Variants in XRCC5 observed in about 807,000 individuals in gnomAD.
XRCC5 encodes the protein X-ray repair cross complementing 5, also known as DNA repair protein Ku80.
A neutral mutation model predicts 95.7 loss-of-function variants in XRCC5; 12 were observed. The observed-to-expected ratio is 0.13, with a 90% CI of 0.08 to 0.20. The LOEUF is 0.20. Ranked by LOEUF, XRCC5 falls within the 10% of genes least tolerant of loss-of-function variation. The probability of loss-of-function intolerance (pLI) is 1.00; values close to 1 mark genes in which losing one functional copy is unlikely to be tolerated. For missense variants in XRCC5, 595 were observed against 873.9 expected (o/e 0.68, Z 4.02); for synonymous variants, 281 against 290.3 (o/e 0.97, Z 0.33).
intron 16 of XRCC5, among the ~76,000 whole-genome samples, chr2:216,187,851 T>TCTCC (rs1574430194): frequency 1.5e-5 from 2 of 134,572 alleles, no homozygotes; most frequent in East Asian, 4.2e-4. Context: ...TCTCTCTCTC[T>TCTCC]CTCTCTCTCT....
intron 16 of XRCC5, among the ~76,000 whole-genome samples, chr2:216,172,818 T>C (rs535464974): frequency 6.6e-6 from 1 of 152,294 alleles, no homozygotes; most frequent in African/African-American, 2.4e-5. Context: ...AGGGATTTTA[T>C]TGAGTCTATA....
At chr2:216,119,290 A>G (rs548205820) in intron 5 of XRCC5, 125 bp downstream of exon 5, 116 of 1,004,404 alleles carry the variant, frequency 1.2e-4, no homozygotes, top group Non-Finnish European at 1.6e-4. Flanking sequence ...TGAATCTGTC[A>G]GATGACTGAC....
intron 16 of XRCC5, among the ~76,000 whole-genome samples, chr2:216,186,351 C>T (rs1339688286): frequency 6.6e-6 from 1 of 152,126 alleles, no homozygotes; most frequent in East Asian, 1.9e-4. Context: ...TGAATGTATT[C>T]AGTAGAGAAG....
chr2:216,134,898 A>G lies in XRCC5; in HGVS notation c.1114-2190A>G, dbSNP rs554989376. Among the ~76,000 whole-genome samples the G allele has an allele frequency of 3.9e-5, 6 of 152,332 alleles. No homozygotes were observed. The South Asian group carries it at 8.3e-4, about 21-fold the overall frequency. On this transcript the variant is annotated intron_variant, in intron 10 of 20. Transcript: ENST00000392132. ...CATACATGTTTCATATTTGCTACAT[A>G]TCTCATTTCTGCTAATAAAGAATGT...
chr2:216,177,009 T>C (rs935804616), intron 16 of XRCC5, among the ~76,000 whole-genome samples: 1 of 152,248 alleles, frequency 6.6e-6, no homozygotes, highest in African/African-American at 2.4e-5. Context: ...GATTTCCCAA[T>C]TTCTTCCTGT....
chr2:216,168,027 A>G (rs947732106), intron 16 of XRCC5, among the ~76,000 whole-genome samples: 1 of 152,204 alleles, frequency 6.6e-6, no homozygotes, highest in Non-Finnish European at 1.5e-5. Context: ...GAACCTGACA[A>G]TCCAGGCTTA....
chr2:216,197,370 G>A (rs41296777), intron 19 of XRCC5, among the ~76,000 whole-genome samples: 1,822 of 151,380 alleles, frequency 0.012, 29 homozygotes, highest in African/African-American at 0.042. Flanking sequence ...GCTTGAACCC[G>A]GGAGGCAGAG....
At chr2:216,171,819 C>T (rs999550898) in intron 16 of XRCC5, among the ~76,000 whole-genome samples, 1 of 152,194 alleles carries the variant, frequency 6.6e-6, no homozygotes, top group African/African-American at 2.4e-5. Flanking sequence ...TGGTAAATCT[C>T]TACAAGTCTC....
intron 16 of XRCC5, among the ~76,000 whole-genome samples, chr2:216,176,489 A>G (rs1346848474): frequency 6.6e-6 from 1 of 152,228 alleles, no homozygotes; most frequent in Non-Finnish European, 1.5e-5. Context: ...ATATGTCTTT[A>G]TAAGAATTTG....
At chr2:216,150,412 A>T (rs1162345190) in intron 14 of XRCC5, among the ~76,000 whole-genome samples, 1 of 152,200 alleles carries the variant, frequency 6.6e-6, no homozygotes, top group Non-Finnish European at 1.5e-5. Context: ...TCACTTAACG[A>T]CAGGGATACA....
chr2:216,183,348 AAG>A (rs1320954288), intron 16 of XRCC5, among the ~76,000 whole-genome samples: 1 of 152,186 alleles, frequency 6.6e-6, no homozygotes, highest in Non-Finnish European at 1.5e-5. Context: ...CCATTTAAAA[AAG>A]GGGGGAAACA....
chr2:216,164,290 T>A (rs1308682311), intron 16 of XRCC5, among the ~76,000 whole-genome samples: 3 of 152,234 alleles, frequency 2.0e-5, no homozygotes, highest in Admixed American at 1.3e-4. Context: ...GTGATTGGAC[T>A]CTGTGGTTGG....
rs1689903361 is a variant in XRCC5 at position 216,204,418 on chromosome 2, C to T, written c.2184+22C>T. 11 of 1,613,002 alleles carry T rather than the reference C, an allele frequency of 6.8e-6. No homozygotes were observed. The African/African-American group carries it at 9.3e-5, about 14-fold the overall frequency. ...TTTAGTAAGTACTTTTAATATGCACCTGGTGTTCTATGATTGAAGTCACCT... is the reference window on the plus strand; with the variant it reads ...TTTAGTAAGTACTTTTAATATGCACTTGGTGTTCTATGATTGAAGTCACCT... On this transcript the variant is annotated intron_variant, in intron 20 of 20. Coordinates refer to ENST00000392132, the MANE Select transcript of XRCC5 (RefSeq NM_021141.4).
At chr2:216,148,424 T>C (rs1013588599) in intron 14 of XRCC5, 148 bp downstream of exon 14, 2 of 684,716 alleles carry the variant, frequency 2.9e-6, no homozygotes, top group Non-Finnish European at 4.8e-6. Flanking sequence ...TATATTGAAA[T>C]ATTGATTTCT....
In XRCC5 at chr2:216,176,888, G is replaced by T. The variant is rs568810695; in HGVS notation, c.1835-13337G>T. ...TTTTTAGCTTCACACCATAAATTGC[G>T]ATGTGTTATGATTTTGTTTTCATTT... On this transcript the variant is annotated intron_variant, in intron 16 of 20. Coordinates refer to ENST00000392132, the MANE Select transcript of XRCC5 (RefSeq NM_021141.4). Among the ~76,000 whole-genome samples, 5 of 152,198 alleles carry T rather than the reference G, an allele frequency of 3.3e-5. No individual in the cohort carries two copies. The South Asian group carries it at 1.0e-3, about 32-fold the overall frequency.
intron 3 of XRCC5, chr2:216,117,217 C>G: frequency 5.2e-6 from 1 of 194,136 alleles, no homozygotes; most frequent in Non-Finnish European, 1.1e-5. Context: ...TCCCAATGTT[C>G]TCTCCTTTTT....
chr2:216,111,396 CA>C lies in XRCC5; in HGVS notation c.22-1618del, dbSNP rs988874828. 81 of 450,644 alleles carry C rather than the reference CA, an allele frequency of 1.8e-4. No individual in the cohort carries two copies. The Admixed American group carries it at 1.9e-3, about 11-fold the overall frequency. 27.9% of individuals were successfully genotyped at this position (450,644 alleles called of 1,614,324 possible). ...AGAATTAGCTGGGCATGGTGGGGTG[CA>C]ACTGTGGTCCCAGCTATTTGGAAGG... On this transcript the variant is annotated intron_variant, in intron 1 of 20. Coordinates refer to ENST00000392132, the MANE Select transcript of XRCC5 (RefSeq NM_021141.4).
At chr2:216,175,870 T>C (rs913426814) in intron 16 of XRCC5, 23 of 427,326 alleles carry the variant, frequency 5.4e-5, no homozygotes, top group African/African-American at 4.2e-4. Flanking sequence ...CAAAATGTTC[T>C]CTTAACCCAT....
At chr2:216,160,224 G>T in intron 15 of XRCC5, 63 bp downstream of exon 15, 1 of 1,148,424 alleles carries the variant, frequency 8.7e-7, no homozygotes, top group Non-Finnish European at 1.2e-6. Context: ...GAGGGAGAGT[G>T]CATCAATTTT....
Sources: gnomAD v4.1 joint callset for allele counts (sites outside exome capture counted in the v4.1 genomes callset) on GRCh38, gnomAD v4.1.1 for gene constraint, MANE v1.5 for transcripts, NCBI Gene and HGNC (gene_info 2026-07-23, HGNC 2026-07-21) for gene names.